The following BIRC6 variants were observed in gnomAD, a reference collection of about 807,000 sequenced individuals.
BIRC6 encodes the protein baculoviral IAP repeat containing 6.
In BIRC6, 98 loss-of-function variants were observed where a neutral mutation model predicts 503.3. The observed-to-expected ratio is 0.19, with a 90% confidence interval of 0.17 to 0.23. BIRC6 has a LOEUF of 0.23. Among genes scored for constraint, BIRC6 ranks in the 10% least tolerant of loss-of-function variants. The pLI is 1.00. For missense variants in BIRC6, 5,360 were observed against 5,806.0 expected, an observed-to-expected ratio of 0.92 and a Z score of 2.50; for synonymous variants, 2,240 against 2,078.7, an observed-to-expected ratio of 1.08 and a Z score of -2.11.
In BIRC6 at chr2:32,430,915, C is replaced by G; in HGVS notation, c.3073C>G (p.Leu1025Val). ...QPFTLEILTS[L>V]VELTRFETLT... is the part of the protein sequence containing the mutation. ...ATTCACCCTTGAAATCTTGACATCC[C>G]TAGTGGAGCTAACCCGCTTTGAGAC... is the stretch of plus-strand genomic sequence containing the variant. The change falls in exon 12 of 74, where the codon CTA becomes GTA. Residue 1025 changes from leucine to valine, a missense_variant. Around this residue, in one of 16 missense-constraint regions of BIRC6, gnomAD observed 700 missense variants for 739.3 expected, o/e 0.95. Transcript: ENST00000421745. 2 of 1,611,920 alleles carry G rather than the reference C, an allele frequency of 1.2e-6. No individual in the cohort carries two copies. The highest frequency in any genetic ancestry group is 2.2e-5 in the East Asian group (1 of 44,804).
At chr2:32,549,595 A>G (rs1378822805) in intron 65 of BIRC6, 114 bp downstream of exon 65, 26 of 993,476 alleles carry the variant, frequency 2.6e-5, no homozygotes, top group African/African-American at 3.3e-5. Context: ...CCTAAAAAGT[A>G]TTCTGGAAAT....
chr2:32,487,018 A>G (rs1052043072), intron 40 of BIRC6, among the ~76,000 whole-genome samples: 9 of 152,120 alleles, frequency 5.9e-5, no homozygotes, highest in Admixed American at 4.6e-4. Context: ...TTTGAAAAAA[A>G]AAAGAATAAA....
chr2:32,437,196 G>A (rs1373919024), intron 15 of BIRC6, among the ~76,000 whole-genome samples: 1 of 152,026 alleles, frequency 6.6e-6, no homozygotes, highest in African/African-American at 2.4e-5. Flanking sequence ...GGCCAAAAGA[G>A]GATTTTTATT....
intron 50 of BIRC6, among the ~76,000 whole-genome samples, chr2:32,505,888 G>A (rs534026371): frequency 4.1e-4 from 62 of 151,812 alleles, no homozygotes; most frequent in Middle Eastern, 3.4e-3. Flanking sequence ...GTCTCACTCT[G>A]TTGCCCAGGC....
intron 33 of BIRC6, among the ~76,000 whole-genome samples, chr2:32,475,970 A>G (rs886066633): frequency 1.6e-4 from 24 of 152,240 alleles, no homozygotes; most frequent in African/African-American, 5.5e-4. Context: ...GGCTTATATA[A>G]GAAAGTCTTC....
chr2:32,482,625 A>AT lies in BIRC6; in HGVS notation c.7696+43_7696+44insT, dbSNP rs2050535567. 6 of 1,603,364 alleles carry AT rather than the reference A, an allele frequency of 3.7e-6. No individual in the cohort carries two copies. The Admixed American group carries it at 6.7e-5, about 18-fold the overall frequency. On this transcript the variant is annotated intron_variant, in intron 39 of 73. Transcript: ENST00000421745. ...TTTTAAGACATATGCTATTCTTAAA[A>AT]CAAGTCTGTCATTTATGTATACTTT...
intron 10 of BIRC6, among the ~76,000 whole-genome samples, chr2:32,423,822 T>C (rs1418675022): frequency 1.3e-5 from 2 of 152,210 alleles, no homozygotes; most frequent in African/African-American, 4.8e-5. Context: ...AATCTCTTCT[T>C]GTCCCATCCA....
At chr2:32,490,172 A>G (rs1479737643) in intron 43 of BIRC6, 21 bp downstream of exon 43, 2 of 1,529,128 alleles carry the variant, frequency 1.3e-6, no homozygotes, top group Non-Finnish European at 1.8e-6. Flanking sequence ...AAATTTATTC[A>G]TTTAAATCTC....
intron 71 of BIRC6, among the ~76,000 whole-genome samples, chr2:32,606,345 T>C (rs2062450216): frequency 6.6e-6 from 1 of 152,100 alleles, no homozygotes; most frequent in Non-Finnish European, 1.5e-5. Context: ...CTCAGCACTT[T>C]GGGAGGCCAA....
At chr2:32,498,963 C>T (rs1415524346) in intron 45 of BIRC6, among the ~76,000 whole-genome samples, 1 of 152,168 alleles carries the variant, frequency 6.6e-6, no homozygotes, top group Non-Finnish European at 1.5e-5. Context: ...AGTGATCTGC[C>T]CACCTGGGGC....
At chr2:32,575,045 G>C in intron 65 of BIRC6, 111 bp from the exon 66 acceptor site, 2 of 1,165,598 alleles carry the variant, frequency 1.7e-6, no homozygotes, top group Non-Finnish European at 2.5e-6. Context: ...AGCGTGCCCA[G>C]CCGGGTCAGC....
At chr2:32,460,823 A>G (rs1239503486) in intron 23 of BIRC6, among the ~76,000 whole-genome samples, 4 of 151,844 alleles carry the variant, frequency 2.6e-5, no homozygotes, top group Admixed American at 6.6e-5. Context: ...ATTAAAAACC[A>G]TATATATTAC....
chr2:32,436,135 A>C lies in BIRC6; in HGVS notation c.3582A>C (p.Leu1194=), dbSNP rs910921413. ...GPVWLASGLD[L]SGHAGMLTLT... is the part of the protein sequence containing the mutation. ...TATGGCTTGCTAGTGGCCTTGATCT[A>C]TCAGGGCATGCTGGAATGTTGACGT... The change falls in exon 15 of 74, where the codon CTA becomes CTC. Residue 1194 remains leucine, a synonymous_variant. Coordinates refer to ENST00000421745, the MANE Select transcript of BIRC6 (RefSeq NM_016252.4). 8 of 1,495,008 alleles carry C rather than the reference A, an allele frequency of 5.4e-6. No homozygotes were observed. The highest frequency in any genetic ancestry group is 7.2e-6 in the Non-Finnish European group (8 of 1,108,486). 92.6% of individuals were successfully genotyped at this position (1,495,008 alleles called of 1,614,324 possible).
chr2:32,469,251 C>T (rs2048877618), intron 29 of BIRC6, 144 bp from the exon 30 acceptor site: 1 of 654,456 alleles, frequency 1.5e-6, no homozygotes, highest in African/African-American at 1.8e-5. Flanking sequence ...TTTCTACATA[C>T]AAGGAGTAAA....
chr2:32,438,961 C>T (rs748737031), intron 15 of BIRC6, among the ~76,000 whole-genome samples: 5 of 152,154 alleles, frequency 3.3e-5, no homozygotes, highest in Non-Finnish European at 7.4e-5. Flanking sequence ...AACTGAGCCA[C>T]AGAGAGGATA....
chr2:32,497,282 A>G (rs1451662976), intron 45 of BIRC6, among the ~76,000 whole-genome samples: 1 of 152,248 alleles, frequency 6.6e-6, no homozygotes, highest in African/African-American at 2.4e-5. Flanking sequence ...TAGCTGGCCC[A>G]ATCGGCATAT....
rs774510325 is a variant in BIRC6, at chr2:32,357,155, G to A, written c.-7G>A. Reference sequence around the variant, plus strand: ...GCTAACGCGCTCGGCTTGCCCCCTGGCCCCGGATGGTGACTGGTGGTGGTG... The same window carrying A: ...GCTAACGCGCTCGGCTTGCCCCCTGACCCCGGATGGTGACTGGTGGTGGTG... On this transcript the variant is annotated 5_prime_UTR_variant, in exon 1 of 74. Transcript: ENST00000421745. The surrounding 1 kb of genome is among the most constrained non-coding windows in gnomAD (Gnocchi z 4.9). 2.0e-5 allele frequency: 30 copies of A among 1,498,900 alleles called. No homozygotes were observed. The highest frequency in any genetic ancestry group is 2.5e-5 in the Non-Finnish European group (28 of 1,137,258). The allele number at this position is 1,498,900 out of a possible 1,614,324, so 92.9% of individuals were successfully genotyped here.
chr2:32,359,280 T>C (rs2033675703), intron 1 of BIRC6, among the ~76,000 whole-genome samples: 1 of 152,230 alleles, frequency 6.6e-6, no homozygotes, highest in African/African-American at 2.4e-5. Context: ...AACAAAAGTA[T>C]TCAAGTGTTT....
chr2:32,555,561 C>T (rs1030694202), intron 65 of BIRC6, among the ~76,000 whole-genome samples: 1 of 151,996 alleles, frequency 6.6e-6, no homozygotes, highest in Non-Finnish European at 1.5e-5. Context: ...TCGCTTGAAA[C>T]CCCAGAGGCC....
Sources: gnomAD v4.1 joint callset for allele counts (sites outside exome capture counted in the v4.1 genomes callset) on GRCh38, gnomAD v4.1.1 for gene constraint, gnomAD v4.1.1 regional missense constraint, Gnocchi (gnomAD v3.1) non-coding constraint, MANE v1.5 for transcripts, NCBI Gene and HGNC (gene_info 2026-07-23, HGNC 2026-07-21) for gene names.